Variants in LINGO2 observed in about 807,000 individuals in gnomAD.
LINGO2 encodes the protein leucine rich repeat and Ig domain containing 2, also known as leucine-rich repeat and immunoglobulin-like domain-containing nogo receptor-interacting protein 2.
A neutral mutation model predicts 30.6 loss-of-function variants in LINGO2; 14 were observed. The ratio of observed to expected loss-of-function variants is 0.46; its 90% confidence interval spans 0.30 to 0.72. LINGO2 has a LOEUF of 0.72. LINGO2 is among the 30% of genes least tolerant of loss of function. LINGO2 has a pLI of 0.07. For synonymous variants in LINGO2, 317 were observed against 288.5 expected (o/e 1.10, Z -1.00); for missense variants, 729 against 751.7 (o/e 0.97, Z 0.35).
the LINGO2 span, among the ~76,000 whole-genome samples, chr9:28,918,754 A>C: frequency 6.6e-6 from 1 of 152,182 alleles, no homozygotes; most frequent in African/African-American, 2.4e-5. Context: ...TCATTCCCAC[A>C]GCTTCATGTT....
intron 4 of LINGO2, among the ~76,000 whole-genome samples, chr9:28,152,339 G>A (rs1444774929): frequency 2.0e-5 from 3 of 152,046 alleles, no homozygotes; most frequent in Non-Finnish European, 4.4e-5. Context: ...CTCGCCATGT[G>A]ACCTCTGCAC....
chr9:28,003,152 C>T (rs1041507430), intron 5 of LINGO2, among the ~76,000 whole-genome samples: 1 of 152,016 alleles, frequency 6.6e-6, no homozygotes, highest in Admixed American at 6.6e-5. Flanking sequence ...GTGATCCTGC[C>T]ATATTTGTGA....
At chr9:29,016,414 A>G in the LINGO2 span, among the ~76,000 whole-genome samples, 1 of 152,192 alleles carries the variant, frequency 6.6e-6, no homozygotes, top group Non-Finnish European at 1.5e-5. Context: ...TTCACAGTGT[A>G]TACACTGACC....
intron 1 of LINGO2, among the ~76,000 whole-genome samples, chr9:28,512,669 A>ATGTC (rs1820458403): frequency 7.9e-6 from 1 of 126,922 alleles, no homozygotes; most frequent in East Asian, 2.4e-4. Flanking sequence ...ACACATATGG[A>ATGTC]TATCTATCTA....
intron 2 of LINGO2, among the ~76,000 whole-genome samples, chr9:28,455,718 G>C (rs1824819755): frequency 6.6e-6 from 1 of 152,062 alleles, no homozygotes; most frequent in South Asian, 2.1e-4. Context: ...TATTCATAAG[G>C]ACAGGTACAA....
intron 4 of LINGO2, among the ~76,000 whole-genome samples, chr9:28,128,308 T>C (rs990607214): frequency 6.6e-6 from 1 of 152,178 alleles, no homozygotes; most frequent in African/African-American, 2.4e-5. Context: ...GAGCTTCCCC[T>C]GGGTGAGGAA....
chr9:28,008,762 A>C (rs1426992546), intron 5 of LINGO2, among the ~76,000 whole-genome samples: 1 of 152,186 alleles, frequency 6.6e-6, no homozygotes, highest in Non-Finnish European at 1.5e-5. Context: ...AAAGACATTA[A>C]AGGCCTAAGC....
At chr9:29,051,201 A>C in the LINGO2 span, among the ~76,000 whole-genome samples, 4 of 152,216 alleles carry the variant, frequency 2.6e-5, no homozygotes, top group Admixed American at 6.5e-5. Flanking sequence ...TATACATTCT[A>C]CGGGTTTGGA....
At chr9:29,077,251 T>G in the LINGO2 span, among the ~76,000 whole-genome samples, 1 of 146,600 alleles carries the variant, frequency 6.8e-6, no homozygotes, top group Non-Finnish European at 1.5e-5. Context: ...ATTACATTAA[T>G]CTATACTTTA....
At chr9:28,622,627 T>A (rs540280389) in intron 1 of LINGO2, among the ~76,000 whole-genome samples, 20 of 152,212 alleles carry the variant, frequency 1.3e-4, no homozygotes, top group Middle Eastern at 3.4e-3. Context: ...TTCCAAATCT[T>A]AGCTATTGTA....
rs978448980 is a variant in LINGO2 at position 27,963,317 on chromosome 9, A to G, written c.-35-12611T>C. ...CAGAAAGCAAACCAAATAAAGGCATATATTTCCTCTGCAATAGGACTACAC... is the reference window on the plus strand; with the variant it reads ...CAGAAAGCAAACCAAATAAAGGCATGTATTTCCTCTGCAATAGGACTACAC... On this transcript the variant is annotated intron_variant, in intron 5 of 5. Transcript: ENST00000379992. Among the ~76,000 whole-genome samples, 3 of 152,164 alleles carry G rather than the reference A, an allele frequency of 2.0e-5. No homozygotes were observed. In the South Asian group the frequency reaches 6.2e-4, roughly 31 times the overall value.
chr9:28,806,740 C>CT, the LINGO2 span, among the ~76,000 whole-genome samples: 2 of 151,990 alleles, frequency 1.3e-5, no homozygotes, highest in African/African-American at 4.8e-5. Context: ...TAATGCTTTT[C>CT]TTATACTCCT....
intron 1 of LINGO2, among the ~76,000 whole-genome samples, chr9:28,602,590 G>A (rs1825534477): frequency 6.6e-6 from 1 of 151,972 alleles, no homozygotes; most frequent in Non-Finnish European, 1.5e-5. Flanking sequence ...ATATGTTGAT[G>A]TTATATTTTT....
At chr9:28,915,155 A>T in the LINGO2 span, among the ~76,000 whole-genome samples, 4 of 152,124 alleles carry the variant, frequency 2.6e-5, no homozygotes, top group African/African-American at 4.8e-5. Context: ...AAAATAAATA[A>T]ATAAAAATGA....
chr9:28,664,996 CATATATATATATATATATATATATAT>C lies in LINGO2; in HGVS notation c.-365+5178_-365+5203del, dbSNP rs10527878. Among the ~76,000 whole-genome samples, 16 of 96,270 alleles carry C rather than the reference CATATATATATATATATATATATATAT, an allele frequency of 1.7e-4. 1 individual carries two copies. The East Asian group carries it at 2.0e-3, about 12-fold the overall frequency. The allele number at this position is 96,270 out of a possible 152,430, so 63.2% of individuals were successfully genotyped here. A position where few individuals can be genotyped will look rare whatever the true frequency, so the allele number is the denominator to read the frequency against. ...TCTGTATTATTTATGTATGTGTTTA[CATATATATATATATATATATATATAT>C]ATATATATATATATATGTTATAAGC... On this transcript the variant is annotated intron_variant, in intron 1 of 5. Coordinates refer to ENST00000379992, the Ensembl canonical transcript of LINGO2.
In LINGO2 at chr9:28,349,082, A is replaced by C. The variant is rs1267953273; in HGVS notation, c.-246+23754T>G. Among the ~76,000 whole-genome samples the C allele has an allele frequency of 9.9e-5, 15 of 152,080 alleles. No homozygotes were observed. The South Asian group carries it at 1.5e-3, about 15-fold the overall frequency. ...AACAGAAAAACTGGAAACTCTAAAAAGCAGAGCGCCTCTCCTCCTCCAAAG... is the reference window on the plus strand; with the variant it reads ...AACAGAAAAACTGGAAACTCTAAAACGCAGAGCGCCTCTCCTCCTCCAAAG... On this transcript the variant is annotated intron_variant, in intron 3 of 5. Transcript: ENST00000379992.
At chr9:28,599,772 C>T (rs1466236534) in intron 1 of LINGO2, among the ~76,000 whole-genome samples, 4 of 152,002 alleles carry the variant, frequency 2.6e-5, no homozygotes, top group South Asian at 2.1e-4. Context: ...CTCAACTGGA[C>T]CATTAAAACA....
intron 3 of LINGO2, among the ~76,000 whole-genome samples, chr9:28,339,515 T>C (rs1825697980): frequency 6.6e-6 from 1 of 152,168 alleles, no homozygotes; most frequent in African/African-American, 2.4e-5. Flanking sequence ...CAGAGTTGCC[T>C]AAGTCCAGTA....
the LINGO2 span, among the ~76,000 whole-genome samples, chr9:29,108,324 CAT>C: frequency 6.6e-6 from 1 of 152,034 alleles, no homozygotes; most frequent in Admixed American, 6.6e-5. Context: ...AGAAACTTCC[CAT>C]TTGTCTAGTT....
Sources: allele counts gnomAD v4.1 joint callset (sites outside exome capture counted in the v4.1 genomes callset), GRCh38; gene constraint gnomAD v4.1.1; transcripts MANE v1.5; gene names NCBI Gene and HGNC (gene_info 2026-07-23, HGNC 2026-07-21).